AKNA: variants seen among roughly 807,000 people sequenced by gnomAD.
The protein encoded by AKNA is AT-hook transcription factor, also known as microtubule organization protein AKNA.
Under a neutral mutation model 138.8 loss-of-function variants are expected in AKNA, and 67 were observed. The observed-to-expected ratio is 0.48, with a 90% CI of 0.40 to 0.59. AKNA has a LOEUF of 0.59. AKNA is among the 20% of genes least tolerant of loss of function. AKNA has a pLI of 0.00. For synonymous variants in AKNA, 737 were observed against 754.4 expected, an observed-to-expected ratio of 0.98 and a Z score of 0.38; for missense variants, 1,813 against 1,880.4, an observed-to-expected ratio of 0.96 and a Z score of 0.66.
intron 2 of AKNA, among the ~76,000 whole-genome samples, chr9:114,378,928 G>A (rs1409834414): frequency 1.3e-5 from 2 of 152,188 alleles, no homozygotes; most frequent in East Asian, 3.9e-4. Flanking sequence ...ATGCACCTTT[G>A]TCGCACTCTC....
Position 114,355,950 on chromosome 9 carries a change from C to T in AKNA, c.3033G>A (p.Leu1011=). The T allele has an allele frequency of 6.2e-7, 1 of 1,614,228 alleles. No homozygotes were observed. Among genetic ancestry groups the T allele is most frequent in the Non-Finnish European group, 8.5e-7 (1 of 1,180,040 alleles). ...PLRQRAPNFS[L]ERTLAAEMAV... ...CCATCTCGGCTGCCAGTGTCCGCTC[C>T]AGGCTGAAGTTGGGTGCCCTCTGCC... Residue 1011 remains leucine (L), a synonymous_variant, in exon 14 of 22, where the codon CTG becomes CTA. Transcript: ENST00000374088.
At chr9:114,367,418 A>G (rs1422289745) in intron 6 of AKNA, 125 bp downstream of exon 6, 1 of 1,215,414 alleles carries the variant, frequency 8.2e-7, no homozygotes, top group East Asian at 2.6e-5. Context: ...GGCTGAGTTA[A>G]CTCGGTGCAG....
Position 114,367,617 on chromosome 9 carries a change from C to T in AKNA, c.1654G>A (p.Asp552Asn), listed in dbSNP as rs1440684297. 18 of 1,607,738 alleles carry T rather than the reference C, an allele frequency of 1.1e-5. No individual in the cohort carries two copies. The East Asian group carries it at 3.8e-4, about 34-fold the overall frequency. ...PTLGWLPENR[D>N]ISEDQSSAEQ... ...GCTGAGGACTGGTCCTCAGAGATGTCCCGGTTCTCCGGAAGCCACCCCAGG... is the reference window on the plus strand; with the variant it reads ...GCTGAGGACTGGTCCTCAGAGATGTTCCGGTTCTCCGGAAGCCACCCCAGG... The change falls in exon 6 of 22, where the codon GAC becomes AAC. Residue 552 changes from aspartate to asparagine, a missense_variant. By Grantham distance (23) the Asp-to-Asn change is conservative. Transcript: ENST00000374088.
chr9:114,346,385 T>A, intron 17 of AKNA, among the ~76,000 whole-genome samples: 1 of 152,246 alleles, frequency 6.6e-6, no homozygotes, highest in South Asian at 2.1e-4. Flanking sequence ...CCTGCGCTCA[T>A]TGGGCTTCAG....
chr9:114,380,234 T>C (rs1314892830), intron 2 of AKNA, among the ~76,000 whole-genome samples: 1 of 152,052 alleles, frequency 6.6e-6, no homozygotes, highest in East Asian at 1.9e-4. Flanking sequence ...TCAAATCAAG[T>C]GTGCAAAGAT....
chr9:114,370,672 G>C (rs1045286534), intron 4 of AKNA, among the ~76,000 whole-genome samples: 18 of 152,196 alleles, frequency 1.2e-4, no homozygotes, highest in African/African-American at 4.3e-4. Flanking sequence ...AGGTGAATCA[G>C]GATTCTGTGA....
chr9:114,336,387 G>A lies in AKNA; in HGVS notation c.*667C>T, dbSNP rs1483572410. On this transcript the variant is annotated 3_prime_UTR_variant, in exon 22 of 22. Coordinates refer to ENST00000374088, the MANE Select transcript of AKNA (RefSeq NM_001317950.2). ...CTGATAAACGCCACTGGGATCCTAG[G>A]AGAAGCTGGGGACCATGCGTGAGGT... 1 of 152,464 alleles carries A rather than the reference G, an allele frequency of 6.6e-6. No homozygotes were observed. The highest frequency in any genetic ancestry group is 2.4e-5 in the African/African-American group (1 of 41,444). 9.4% of individuals were successfully genotyped at this position (152,464 alleles called of 1,614,324 possible). A position where few individuals can be genotyped will look rare whatever the true frequency, so the allele number is the denominator to read the frequency against.
intron 20 of AKNA, 89 bp from the exon 21 acceptor site, chr9:114,341,814 A>G (rs553591534): frequency 9.6e-5 from 137 of 1,422,670 alleles, no homozygotes; most frequent in Admixed American, 3.7e-4. Flanking sequence ...CCCTTCCCCT[A>G]TGAGAGCTGG....
In AKNA at chr9:114,381,061, T is replaced by TAGGGGGAGGGGTGTCAG. The variant is rs777762562; in HGVS notation, c.272_273insCTGACACCCCTCCCCCT (p.Glu91AspfsTer2). 1.3e-6 allele frequency: 2 copies of TAGGGGGAGGGGTGTCAG among 1,534,704 alleles called. No individual in the cohort carries two copies. The highest frequency in any genetic ancestry group is 3.6e-5 in the African/African-American group (2 of 55,320). The stretch of plus-strand genomic sequence containing the variant: ...TAGGGGGAGGGGTGTCAGTCTCACC[T>TAGGGGGAGGGGTGTCAG]TCTCCCGAAGTCTCTCCTGACTCGG... On this transcript the variant is annotated stop_gained and frameshift_variant and splice_region_variant, in exon 2 of 22. Transcript: ENST00000374088. LOFTEE classifies it high-confidence loss of function.
upstream of AKNA, among the ~76,000 whole-genome samples, chr9:114,390,500 A>T (rs1834291064): frequency 6.6e-6 from 1 of 152,118 alleles, no homozygotes; most frequent in Non-Finnish European, 1.5e-5. Flanking sequence ...TTTCACCAGA[A>T]TCTGTCCCCG....
At chr9:114,380,819 GAA>G (rs199980634) in intron 2 of AKNA, among the ~76,000 whole-genome samples, 4 of 74,050 alleles carry the variant, frequency 5.4e-5, no homozygotes, top group Admixed American at 1.6e-4. Context: ...ACTAAAAAAA[GAA>G]AAAAAAAAAA....
At chr9:114,386,734 C>T (rs1168826783) in intron 1 of AKNA, among the ~76,000 whole-genome samples, 1 of 152,156 alleles carries the variant, frequency 6.6e-6, no homozygotes, top group East Asian at 1.9e-4. Context: ...ATCTTCAGTT[C>T]CTGGGTGGGA....
chr9:114,342,766 C>A (rs1428393497), intron 19 of AKNA, among the ~76,000 whole-genome samples: 1 of 151,744 alleles, frequency 6.6e-6, no homozygotes, highest in Non-Finnish European at 1.5e-5. Context: ...AGGCACCCCC[C>A]AGCCCCACTC....
At chr9:114,362,196 T>C (rs1832019075) in intron 8 of AKNA, among the ~76,000 whole-genome samples, 1 of 152,222 alleles carries the variant, frequency 6.6e-6, no homozygotes, top group Non-Finnish European at 1.5e-5. Flanking sequence ...AATAAGGGTT[T>C]CAAGGCATCT....
intron 21 of AKNA, among the ~76,000 whole-genome samples, chr9:114,339,347 C>T (rs572403266): frequency 2.0e-5 from 3 of 152,208 alleles, no homozygotes; most frequent in South Asian, 2.1e-4. Flanking sequence ...CCCGTTCAGT[C>T]CTGCTGACCA....
In AKNA at chr9:114,372,964, CGGG is replaced by C. The variant is rs558347748; in HGVS notation, c.1416+1126_1416+1128del. On this transcript the variant is annotated intron_variant, in intron 4 of 21. Transcript: ENST00000374088. ...CCAGGCAGCAGGTGTGGGGACGCAG[CGGG>C]GGGGGGGGGGGTCCTGGTCCTAGAA... Among the ~76,000 whole-genome samples the C allele has an allele frequency of 6.7e-3, 175 of 26,170 alleles. 15 individuals are homozygous for C. Among genetic ancestry groups the C allele is most frequent in the African/African-American group, 0.021 (155 of 7,512 alleles). 17.2% of individuals were successfully genotyped at this position (26,170 alleles called of 152,430 possible).
chr9:114,355,715 A>ATAATCTGTGCCGATATAATCGG, intron 14 of AKNA, among the ~76,000 whole-genome samples: 2 of 152,136 alleles, frequency 1.3e-5, no homozygotes, highest in Non-Finnish European at 2.9e-5. Flanking sequence ...GGCACAGAGA[A>ATAATCTGTGCCGATATAATCGG]CAGCTCACAG....
At chr9:114,358,958 A>G (rs559863956) in intron 11 of AKNA, 29 of 154,040 alleles carry the variant, frequency 1.9e-4, no homozygotes, top group African/African-American at 7.0e-4. Context: ...CGTGTACCCT[A>G]AAACTTAAAG....
At chr9:114,373,928 C>T (rs941296863) in intron 4 of AKNA, among the ~76,000 whole-genome samples, 165 bp downstream of exon 4, 2 of 149,182 alleles carry the variant, frequency 1.3e-5, no homozygotes, top group African/African-American at 2.5e-5. Context: ...GGCAAGGTCA[C>T]TGCCCAAGGT....
Sources: allele counts gnomAD v4.1 joint callset (sites outside exome capture counted in the v4.1 genomes callset), GRCh38; gene constraint gnomAD v4.1.1; transcripts MANE v1.5; gene names NCBI Gene and HGNC (gene_info 2026-07-23, HGNC 2026-07-21).